ANKH: variants seen among roughly 807,000 people sequenced by gnomAD.
ANKH encodes the protein ANKH inorganic pyrophosphate transport regulator.
In ANKH, 15 loss-of-function variants were observed where a neutral mutation model predicts 49.0. The observed-to-expected ratio is 0.31, with a 90% confidence interval of 0.20 to 0.47. The LOEUF (loss-of-function observed/expected upper bound fraction) is 0.47. Among genes scored for constraint, ANKH ranks in the 20% least tolerant of loss-of-function variants. The pLI, the probability that ANKH is intolerant of heterozygous loss-of-function variation, is 1.00. For synonymous variants in ANKH, 273 were observed against 260.0 expected (o/e 1.05, Z -0.48); for missense variants, 429 against 652.0 (o/e 0.66, Z 3.72).
chr5:14,741,700 A>G, intron 8 of ANKH, 127 bp downstream of exon 8: 1 of 737,354 alleles, frequency 1.4e-6, no homozygotes, highest in Non-Finnish European at 2.4e-6. Flanking sequence ...AGTGTATTGA[A>G]GAGATTGCTA....
intron 1 of ANKH, among the ~76,000 whole-genome samples, chr5:14,860,009 G>T (rs1445076997): frequency 6.6e-6 from 1 of 152,212 alleles, no homozygotes; most frequent in African/African-American, 2.4e-5. Context: ...GGAAACATGT[G>T]GTGGACTAAC....
At chr5:14,831,946 C>T (rs971537147) in intron 1 of ANKH, among the ~76,000 whole-genome samples, 1 of 152,128 alleles carries the variant, frequency 6.6e-6, no homozygotes, top group Non-Finnish European at 1.5e-5. Flanking sequence ...AATTACAAGA[C>T]ATACTTTGCT....
At chr5:14,728,773 T>G (rs1403920523) in intron 8 of ANKH, among the ~76,000 whole-genome samples, 2 of 152,162 alleles carry the variant, frequency 1.3e-5, no homozygotes, top group Admixed American at 6.5e-5. Flanking sequence ...ATGGCAAGTT[T>G]TACTACAAGC....
chr5:14,867,717 G>A (rs1291753842), intron 1 of ANKH, among the ~76,000 whole-genome samples: 6 of 152,072 alleles, frequency 3.9e-5, no homozygotes, highest in East Asian at 1.9e-4. Context: ...CCGCCACCGC[G>A]CCTGGCTAAT....
At position 14,725,466 on chromosome 5, in the gene ANKH, G is replaced by A. The variant is rs1737794806; in HGVS notation, c.1012-8631C>T. Among the ~76,000 whole-genome samples, 1 of 152,236 alleles carries A rather than the reference G, an allele frequency of 6.6e-6. No homozygotes were observed. The highest frequency in any genetic ancestry group is 2.4e-5 in the African/African-American group (1 of 41,456). On this transcript the variant is annotated intron_variant, in intron 8 of 11. Coordinates refer to ENST00000284268, the MANE Select transcript of ANKH (RefSeq NM_054027.6). This position sits in a 1 kb window ranked among gnomAD's most constrained non-coding sequence, Gnocchi z 4.0. ...CAAGTTGATTCACATTCCGGTGCTA[G>A]CTTCTTATCCCATCACGGATGGCCA... is the stretch of plus-strand genomic sequence containing the variant.
At chr5:14,868,812 G>A (rs2921605) in intron 1 of ANKH, 59,775 of 151,334 alleles carry the variant, frequency 0.39, 12,625 homozygotes, top group Middle Eastern at 0.54. Flanking sequence ...CAATCCTCTA[G>A]CCTAAGCCTC....
At chr5:14,752,994 G>T (rs1484678534) in intron 4 of ANKH, among the ~76,000 whole-genome samples, 2 of 152,200 alleles carry the variant, frequency 1.3e-5, no homozygotes, top group Non-Finnish European at 2.9e-5. Context: ...TGGCAGACAT[G>T]TGAGTGTGAC....
At chr5:14,716,609 A>C in intron 9 of ANKH, 97 bp downstream of exon 9, 1 of 1,543,812 alleles carries the variant, frequency 6.5e-7, no homozygotes, top group Non-Finnish European at 8.9e-7. Context: ...GAAATTTTAC[A>C]TTTGTGTTGG....
intron 1 of ANKH, among the ~76,000 whole-genome samples, chr5:14,827,997 G>A (rs770483057): frequency 5.9e-5 from 9 of 152,130 alleles, no homozygotes; most frequent in Non-Finnish European, 1.0e-4. Flanking sequence ...CACCTGTTCC[G>A]GCATAAGATA....
chr5:14,744,273 G>A (rs1388028702), intron 7 of ANKH, among the ~76,000 whole-genome samples: 2 of 152,320 alleles, frequency 1.3e-5, no homozygotes, highest in East Asian at 1.9e-4. Flanking sequence ...TGCTGCAACT[G>A]AATATTCCCA....
chr5:14,741,317 G>A (rs1738347195), intron 8 of ANKH: 1 of 167,588 alleles, frequency 6.0e-6, no homozygotes, highest in African/African-American at 2.4e-5. Flanking sequence ...TGTCACACAC[G>A]CTTGCTCACA....
chr5:14,717,544 G>A (rs1737516764), intron 8 of ANKH, among the ~76,000 whole-genome samples: 1 of 152,194 alleles, frequency 6.6e-6, no homozygotes, highest in South Asian at 2.1e-4. Context: ...GTGAAGGCAG[G>A]GTCCAGAGCA....
intron 3 of ANKH, among the ~76,000 whole-genome samples, chr5:14,757,413 C>CTATATCT: frequency 7.9e-6 from 1 of 127,218 alleles, no homozygotes; most frequent in African/African-American, 3.0e-5. Flanking sequence ...CTTATTGGAA[C>CTATATCT]ATATATATAT....
intron 1 of ANKH, among the ~76,000 whole-genome samples, chr5:14,837,071 G>C (rs1741677266): frequency 6.6e-6 from 1 of 152,186 alleles, no homozygotes; most frequent in African/African-American, 2.4e-5. Context: ...GCCATATGTA[G>C]AAAGCTGAAA....
intron 11 of ANKH, 29 bp from the exon 12 acceptor site, chr5:14,711,339 G>T: frequency 6.3e-7 from 1 of 1,587,046 alleles, no homozygotes; most frequent in Non-Finnish European, 8.7e-7. Flanking sequence ...ATCAGTGTGG[G>T]GCTGTGGATG....
rs1228577236 is a variant in ANKH at position 14,709,327 on chromosome 5, C to T, written c.*1870G>A. ...CATTGAGATTTTTTTTTAATCTTCTCAGATCTGCCTCTGAAACCACTGCAA... is the reference window on the plus strand; with the variant it reads ...CATTGAGATTTTTTTTTAATCTTCTTAGATCTGCCTCTGAAACCACTGCAA... On this transcript the variant is annotated 3_prime_UTR_variant, in exon 12 of 12. Coordinates refer to ENST00000284268, the MANE Select transcript of ANKH (RefSeq NM_054027.6). The T allele has an allele frequency of 1.3e-5, 2 of 152,010 alleles. No homozygotes were observed. Among genetic ancestry groups the T allele is most frequent in the Non-Finnish European group, 2.9e-5 (2 of 68,014 alleles). 9.4% of individuals were successfully genotyped at this position (152,010 alleles called of 1,614,324 possible).
At chr5:14,755,819 G>A (rs1277248716) in intron 4 of ANKH, 42 bp downstream of exon 4, 2 of 1,561,726 alleles carry the variant, frequency 1.3e-6, no homozygotes, top group Non-Finnish European at 1.8e-6. Flanking sequence ...ACGCCAGAAG[G>A]GGACTCTGAG....
At chr5:14,804,364 T>C (rs1580081482) in intron 1 of ANKH, among the ~76,000 whole-genome samples, 2 of 152,354 alleles carry the variant, frequency 1.3e-5, no homozygotes, top group Non-Finnish European at 2.9e-5. Context: ...GGGTCACTTG[T>C]GTCCCTCAGT....
chr5:14,757,273 C>T (rs1047847568), intron 3 of ANKH, among the ~76,000 whole-genome samples: 6 of 151,998 alleles, frequency 3.9e-5, no homozygotes, highest in African/African-American at 1.5e-4. Flanking sequence ...TTACATCATG[C>T]ATCTAACTGC....
Sources: allele counts gnomAD v4.1 joint callset (sites outside exome capture counted in the v4.1 genomes callset), GRCh38; gene constraint gnomAD v4.1.1; non-coding constraint Gnocchi (gnomAD v3.1); transcripts MANE v1.5; gene names NCBI Gene and HGNC (gene_info 2026-07-23, HGNC 2026-07-21).